The following ZMIZ1 variants were observed in gnomAD, a reference collection of about 807,000 sequenced individuals.
ZMIZ1 encodes zinc finger MIZ domain-containing protein 1.
Under a neutral mutation model 113.9 loss-of-function variants are expected in ZMIZ1, and 17 were observed. That is an observed-to-expected ratio of 0.15 (90% confidence interval 0.10 to 0.22). ZMIZ1 has a LOEUF of 0.22. Among genes scored for constraint, ZMIZ1 ranks in the 10% least tolerant of loss-of-function variants. ZMIZ1 has a pLI of 1.00. For missense variants in ZMIZ1, 1,059 were observed against 1,477.8 expected (o/e 0.72, Z 4.65); for synonymous variants, 607 against 603.1 (o/e 1.01, Z -0.09).
chr10:79,121,908 G>T (rs762069264), intron 2 of ZMIZ1, among the ~76,000 whole-genome samples: 6 of 152,158 alleles, frequency 3.9e-5, no homozygotes, highest in Non-Finnish European at 5.9e-5. Flanking sequence ...CTTCGCACCT[G>T]CATCTGTACC....
intron 1 of ZMIZ1, among the ~76,000 whole-genome samples, chr10:79,108,673 C>A (rs1464348667): frequency 6.6e-6 from 1 of 152,060 alleles, no homozygotes; most frequent in Non-Finnish European, 1.5e-5. Flanking sequence ...ACACACAGAT[C>A]GTGGGTCAGG....
rs1267431042 is a variant in ZMIZ1 at position 79,296,552 on chromosome 10, A to C, written c.1312A>C (p.Arg438=). The change falls in exon 13 of 25, where the codon AGG becomes CGG. Residue 438 remains arginine, a synonymous_variant. Coordinates refer to ENST00000334512, the MANE Select transcript of ZMIZ1 (RefSeq NM_020338.4). The surrounding 1 kb of genome is among the most constrained non-coding windows in gnomAD (Gnocchi z 4.1). ...CCAGTACCCAGCCCCCAACCCCCCG[A>C]GGCCACTCACCTCCCCCAACTACCC... is the stretch of plus-strand genomic sequence containing the variant. ...PGQYPAPNPP[R]PLTSPNYPGQ... 36 of 1,571,050 alleles carry C rather than the reference A, an allele frequency of 2.3e-5. No homozygotes were observed. Among genetic ancestry groups the C allele is most frequent in the Non-Finnish European group, 3.0e-5 (35 of 1,156,016 alleles).
chr10:79,228,007 T>C (rs962058840), intron 7 of ZMIZ1, among the ~76,000 whole-genome samples: 1 of 151,984 alleles, frequency 6.6e-6, no homozygotes, highest in Non-Finnish European at 1.5e-5. Context: ...GGGCAAGGGA[T>C]GTTTGAAGGC....
intron 22 of ZMIZ1, among the ~76,000 whole-genome samples, chr10:79,307,154 C>A (rs1394405692): frequency 6.6e-6 from 1 of 152,132 alleles, no homozygotes. Flanking sequence ...CCTGGCCCGC[C>A]CCCTTTGTCC....
rs930819248 is a variant in ZMIZ1 at position 79,114,661 on chromosome 10, C to A, written c.-336-4254C>A. ...AGCAGCAGCTGAACAGCTGTCAGCA[C>A]CCCCCTCCACAAATGCTAAGCTTTT... On this transcript the variant is annotated intron_variant, in intron 1 of 24. Coordinates refer to ENST00000334512, the MANE Select transcript of ZMIZ1 (RefSeq NM_020338.4). Among the ~76,000 whole-genome samples the A allele has an allele frequency of 4.2e-4, 64 of 152,136 alleles. 1 individual carries two copies. The highest frequency in any genetic ancestry group is 8.4e-4 in the Non-Finnish European group (57 of 68,032).
intron 6 of ZMIZ1, among the ~76,000 whole-genome samples, chr10:79,214,899 G>T (rs1035012781): frequency 6.6e-6 from 1 of 152,242 alleles, no homozygotes; most frequent in Non-Finnish European, 1.5e-5. Context: ...CTGGGAATGG[G>T]TGGGGACAGA....
rs560673554 is a variant in ZMIZ1, at chr10:79,304,667, C to T, written c.2286+492C>T. On this transcript the variant is annotated intron_variant, in intron 19 of 24. Coordinates refer to ENST00000334512, the MANE Select transcript of ZMIZ1 (RefSeq NM_020338.4). ...GGGTGTGGTGGGCATGCAGAAGGGG[C>T]CCAGGGCTGTCACCTGCAGCTGGTC... 2.0e-5 allele frequency among the ~76,000 whole-genome samples: 3 copies of T among 152,324 alleles called. No individual in the cohort carries two copies. The East Asian group carries it at 5.8e-4, about 29-fold the overall frequency.
chr10:79,128,577 C>T (rs1306262576), intron 2 of ZMIZ1, among the ~76,000 whole-genome samples: 2 of 151,296 alleles, frequency 1.3e-5, no homozygotes, highest in African/African-American at 2.4e-5. Context: ...CATCATGGGG[C>T]GTTCCTTTCT....
chr10:79,311,275 C>G (rs1339693328), intron 24 of ZMIZ1, 91 bp downstream of exon 24: 1 of 1,482,714 alleles, frequency 6.7e-7, no homozygotes, highest in African/African-American at 1.4e-5. Flanking sequence ...GGCTCGAGGC[C>G]CCGAAGGGAG....
In ZMIZ1 at chr10:79,316,144, A is replaced by C. The variant is rs1377785525; in HGVS notation, c.*3395A>C. The stretch of plus-strand genomic sequence containing the variant: ...CATACTTTGTATAATTTTTGATATC[A>C]TGATCACAGGTGATTCACACGTACA... On this transcript the variant is annotated 3_prime_UTR_variant, in exon 25 of 25. Transcript: ENST00000334512. 6.6e-6 allele frequency: 1 copy of C among 152,490 alleles called. No homozygotes were observed. The highest frequency in any genetic ancestry group is 2.4e-5 in the African/African-American group (1 of 41,324). 9.4% of individuals were successfully genotyped at this position (152,490 alleles called of 1,614,324 possible). A position where few individuals can be genotyped will look rare whatever the true frequency, so the allele number is the denominator to read the frequency against.
intron 7 of ZMIZ1, 59 bp downstream of exon 7, chr10:79,216,333 T>TA (rs1848728365): frequency 6.8e-7 from 1 of 1,467,962 alleles, no homozygotes; most frequent in African/African-American, 1.4e-5. Context: ...GAACTGACTA[T>TA]AAACCATGCC....
chr10:79,221,494 C>T (rs772893910), intron 7 of ZMIZ1, among the ~76,000 whole-genome samples: 8 of 152,232 alleles, frequency 5.3e-5, no homozygotes, highest in African/African-American at 1.7e-4. Flanking sequence ...CTGCCTGGCC[C>T]GGCATCCTGA....
chr10:79,302,059 G>A (rs768589154), intron 17 of ZMIZ1, 48 bp from the exon 18 acceptor site: 2 of 1,590,770 alleles, frequency 1.3e-6, no homozygotes, highest in Non-Finnish European at 8.6e-7. Context: ...GGCAGGGCGG[G>A]GTGTGGGGAC....
At chr10:79,095,758 A>G (rs187014086) in intron 1 of ZMIZ1, among the ~76,000 whole-genome samples, 3 of 152,184 alleles carry the variant, frequency 2.0e-5, no homozygotes, top group South Asian at 2.1e-4. Context: ...GGTGCAATCA[A>G]TTTCTTCCTC....
At chr10:79,147,168 G>T (rs1845525789) in intron 3 of ZMIZ1, among the ~76,000 whole-genome samples, 1 of 152,190 alleles carries the variant, frequency 6.6e-6, no homozygotes, top group African/African-American at 2.4e-5. Context: ...GGGTCCTAGA[G>T]CTCTTGGGCC....
At chr10:79,219,196 G>C (rs557738267) in intron 7 of ZMIZ1, among the ~76,000 whole-genome samples, 2 of 152,256 alleles carry the variant, frequency 1.3e-5, no homozygotes, top group South Asian at 4.1e-4. Context: ...AGAGGGAGAA[G>C]GAGACCTGGA....
intron 7 of ZMIZ1, among the ~76,000 whole-genome samples, chr10:79,249,783 G>C (rs547898586): frequency 2.0e-5 from 3 of 152,140 alleles, no homozygotes; most frequent in African/African-American, 7.2e-5. Context: ...GGCCTACCCT[G>C]TTGGCAGCTC....
At chr10:79,104,950 G>GGGGTGT (rs1190362797) in intron 1 of ZMIZ1, among the ~76,000 whole-genome samples, 87 of 140,188 alleles carry the variant, frequency 6.2e-4, no homozygotes, top group African/African-American at 1.4e-3. Context: ...GTTGTTGTGG[G>GGGGTGT]GTGTGTGTGT....
intron 7 of ZMIZ1, among the ~76,000 whole-genome samples, chr10:79,253,351 G>T (rs746058572): frequency 1.3e-5 from 2 of 152,294 alleles, no homozygotes; most frequent in Non-Finnish European, 2.9e-5. Context: ...CAAACACACT[G>T]GGTGTTGGGA....
Sources: allele counts gnomAD v4.1 joint callset (sites outside exome capture counted in the v4.1 genomes callset), GRCh38; gene constraint gnomAD v4.1.1; non-coding constraint Gnocchi (gnomAD v3.1); transcripts MANE v1.5; gene names NCBI Gene and HGNC (gene_info 2026-07-23, HGNC 2026-07-21).